The following AGBL4 variants were observed in gnomAD, a reference collection of about 807,000 sequenced individuals.
The protein encoded by AGBL4 is AGBL carboxypeptidase 4, also known as cytosolic carboxypeptidase 6.
In AGBL4, 58 loss-of-function variants were observed where a neutral mutation model predicts 66.4. The observed-to-expected ratio is 0.87, with a 90% CI of 0.71 to 1.09. The LOEUF (loss-of-function observed/expected upper bound fraction) is 1.09. AGBL4 is among the 50% of genes least tolerant of loss of function. AGBL4 has a pLI of 0.00. For synonymous variants in AGBL4, 234 were observed against 222.9 expected (o/e 1.05, Z -0.44); for missense variants, 579 against 631.0 (o/e 0.92, Z 0.88).
intron 3 of AGBL4, among the ~76,000 whole-genome samples, chr1:49,263,265 C>T (rs1022123514): frequency 6.8e-6 from 1 of 148,080 alleles, no homozygotes; most frequent in Non-Finnish European, 1.5e-5. Flanking sequence ...TGTAACTAAC[C>T]TGCACATTGT....
At chr1:48,622,537 G>T (rs1645433018) in intron 9 of AGBL4, among the ~76,000 whole-genome samples, 1 of 133,072 alleles carries the variant, frequency 7.5e-6, no homozygotes, top group African/African-American at 2.8e-5. Context: ...AGGCTGGAGT[G>T]CAATGGCACA....
intron 3 of AGBL4, among the ~76,000 whole-genome samples, chr1:49,670,012 C>A (rs376790250): frequency 6.6e-6 from 1 of 151,828 alleles, no homozygotes; most frequent in Non-Finnish European, 1.5e-5. Context: ...AATGCTACTA[C>A]AAAGAGATTT....
intron 6 of AGBL4, among the ~76,000 whole-genome samples, chr1:48,713,104 T>C (rs970643929): frequency 6.6e-6 from 1 of 152,156 alleles, no homozygotes; most frequent in Non-Finnish European, 1.5e-5. Context: ...ACAAGACTCA[T>C]GGTGAGCAAG....
At chr1:48,927,642 A>G (rs1654701092) in intron 5 of AGBL4, among the ~76,000 whole-genome samples, 3 of 152,308 alleles carry the variant, frequency 2.0e-5, no homozygotes, top group South Asian at 4.1e-4. Context: ...GGCAAGATGG[A>G]TAACACTCTT....
chr1:49,630,011 G>T (rs1171397706), intron 3 of AGBL4, among the ~76,000 whole-genome samples: 4 of 152,154 alleles, frequency 2.6e-5, no homozygotes, highest in African/African-American at 9.7e-5. Context: ...ACAAGTCCCT[G>T]AAAGTCAAGC....
At chr1:49,609,547 C>T (rs1645117339) in intron 3 of AGBL4, among the ~76,000 whole-genome samples, 1 of 152,070 alleles carries the variant, frequency 6.6e-6, no homozygotes. Flanking sequence ...ATCTGACAAC[C>T]TAAGATTGAG....
At chr1:48,921,597 T>C (rs904035539) in intron 5 of AGBL4, among the ~76,000 whole-genome samples, 4 of 152,134 alleles carry the variant, frequency 2.6e-5, no homozygotes, top group Non-Finnish European at 5.9e-5. Flanking sequence ...TAGCCCAGAG[T>C]CTGGCATTGC....
chr1:49,324,721 CTAAA>C (rs970617532), intron 3 of AGBL4, among the ~76,000 whole-genome samples: 5 of 152,304 alleles, frequency 3.3e-5, no homozygotes, highest in African/African-American at 1.2e-4. Context: ...GCAGAAATCT[CTAAA>C]TATCAGCTCC....
chr1:49,801,640 T>C (rs560593140), intron 2 of AGBL4, among the ~76,000 whole-genome samples: 3 of 152,336 alleles, frequency 2.0e-5, no homozygotes, highest in Admixed American at 6.5e-5. Flanking sequence ...CATTATTCTA[T>C]ACCTACAGGT....
intron 1 of AGBL4, among the ~76,000 whole-genome samples, chr1:49,967,299 G>A (rs369802564): frequency 3.3e-5 from 5 of 152,154 alleles, no homozygotes; most frequent in African/African-American, 1.2e-4. Flanking sequence ...TAAAGAAAAT[G>A]TGGCACATAT....
chr1:49,679,131 G>A (rs1184594281), intron 3 of AGBL4, among the ~76,000 whole-genome samples: 1 of 152,068 alleles, frequency 6.6e-6, no homozygotes, highest in African/African-American at 2.4e-5. Flanking sequence ...TGTTGAGAGA[G>A]GGGTGTTGAA....
At chr1:49,890,546 C>A (rs1648539436) in intron 1 of AGBL4, among the ~76,000 whole-genome samples, 1 of 152,116 alleles carries the variant, frequency 6.6e-6, no homozygotes, top group South Asian at 2.1e-4. Flanking sequence ...GTAAATAATA[C>A]TATGGTAGAT....
intron 3 of AGBL4, among the ~76,000 whole-genome samples, chr1:49,260,984 C>T (rs79725939): frequency 1.3e-5 from 2 of 150,190 alleles, no homozygotes; most frequent in African/African-American, 4.9e-5. Flanking sequence ...TTCATCCCTG[C>T]GATGCAAGGC....
chr1:48,643,384 T>G (rs1406782709), intron 8 of AGBL4, among the ~76,000 whole-genome samples: 1 of 152,130 alleles, frequency 6.6e-6, no homozygotes, highest in African/African-American at 2.4e-5. Flanking sequence ...CTGTACCCTA[T>G]GTAGGATGCA....
intron 6 of AGBL4, among the ~76,000 whole-genome samples, chr1:48,793,690 A>G (rs758270626): frequency 9.9e-5 from 15 of 152,196 alleles, no homozygotes; most frequent in Non-Finnish European, 2.1e-4. Flanking sequence ...TACCTTACAC[A>G]AGGTAGTAGG....
At chr1:48,908,327 C>T (rs1013883511) in intron 5 of AGBL4, among the ~76,000 whole-genome samples, 8 of 151,700 alleles carry the variant, frequency 5.3e-5, no homozygotes, top group Non-Finnish European at 8.8e-5. Context: ...TCAAAAAATT[C>T]GGGGAAAAAA....
chr1:49,343,447 T>TA (rs1481851910), intron 3 of AGBL4, among the ~76,000 whole-genome samples: 1 of 152,148 alleles, frequency 6.6e-6, no homozygotes, highest in African/African-American at 2.4e-5. Context: ...TAATGGAAGT[T>TA]ATGGAGGGGA....
At chr1:49,574,226 AG>A (rs1320126452) in intron 3 of AGBL4, among the ~76,000 whole-genome samples, 1 of 152,186 alleles carries the variant, frequency 6.6e-6, no homozygotes, top group Non-Finnish European at 1.5e-5. Flanking sequence ...ATGGATTTTA[AG>A]GGTATGGGAT....
intron 6 of AGBL4, among the ~76,000 whole-genome samples, chr1:48,826,003 G>A (rs1646419933): frequency 6.6e-6 from 1 of 152,122 alleles, no homozygotes. Flanking sequence ...TTGGATCTCA[G>A]AGCCCTTCTA....
Sources: allele counts gnomAD v4.1 joint callset (sites outside exome capture counted in the v4.1 genomes callset), GRCh38; gene constraint gnomAD v4.1.1; transcripts MANE v1.5; gene names NCBI Gene and HGNC (gene_info 2026-07-23, HGNC 2026-07-21).